The following CFAP44 variants were observed in gnomAD, a reference collection of about 807,000 sequenced individuals.
CFAP44 encodes the protein cilia- and flagella-associated protein 44.
Under a neutral mutation model 216.2 loss-of-function variants are expected in CFAP44, and 134 were observed. The observed-to-expected ratio is 0.62, with a 90% CI of 0.54 to 0.72. CFAP44 has a LOEUF of 0.72. CFAP44 is among the 30% of genes least tolerant of loss of function. The pLI is 0.00. For synonymous variants in CFAP44, 700 were observed against 727.6 expected, an observed-to-expected ratio of 0.96 and a Z score of 0.61; for missense variants, 2,035 against 2,182.1, an observed-to-expected ratio of 0.93 and a Z score of 1.34.
At chr3:113,303,204 T>A (rs776821235) in intron 32 of CFAP44, among the ~76,000 whole-genome samples, 18 of 152,148 alleles carry the variant, frequency 1.2e-4, no homozygotes, top group Non-Finnish European at 2.4e-4. Context: ...AATGTACATA[T>A]CCCTCTGTAA....
intron 28 of CFAP44, among the ~76,000 whole-genome samples, chr3:113,308,951 C>A (rs1012195005): frequency 1.3e-5 from 2 of 152,124 alleles, no homozygotes; most frequent in Admixed American, 1.3e-4. Context: ...AATGACATTT[C>A]TAGTCTTTAT....
At chr3:113,395,355 GA>G (rs1933960685) in intron 15 of CFAP44, among the ~76,000 whole-genome samples, 1 of 152,214 alleles carries the variant, frequency 6.6e-6, no homozygotes, top group South Asian at 2.1e-4. Context: ...AAGAGATAAA[GA>G]TGAGGAAAAG....
intron 5 of CFAP44, among the ~76,000 whole-genome samples, chr3:113,418,845 C>T (rs148290111): frequency 0.035 from 5,262 of 152,106 alleles, 303 homozygotes; most frequent in African/African-American, 0.12. Flanking sequence ...GCCGGGATTA[C>T]AGGCGCGTGC....
intron 18 of CFAP44, among the ~76,000 whole-genome samples, chr3:113,368,053 A>G (rs1576573850): frequency 1.3e-5 from 2 of 152,374 alleles, no homozygotes; most frequent in African/African-American, 4.8e-5. Flanking sequence ...AAGAGTAAAA[A>G]GAAATGAACA....
intron 15 of CFAP44, among the ~76,000 whole-genome samples, chr3:113,383,095 C>G (rs1933556875): frequency 6.6e-6 from 1 of 152,164 alleles, no homozygotes; most frequent in Non-Finnish European, 1.5e-5. Flanking sequence ...TGGGGAAATT[C>G]AGAGATGGAC....
Position 113,433,589 on chromosome 3 carries a change from T to C in CFAP44, c.76A>G (p.Arg26Gly), listed in dbSNP as rs1285752391. 1.9e-6 allele frequency: 3 copies of C among 1,612,772 alleles called. No individual in the cohort carries two copies. In the Admixed American group the frequency reaches 5.0e-5, roughly 27 times the overall value. ...TSKSDGKKSL[R>G]SSKSESRSPV... ...CATCTTGATTCTGATTTAGAAGACC[T>C]CAGAGACTTCTTCCCATCACTCTTT... The change falls in exon 2 of 35, where the codon AGG becomes GGG. Residue 26 changes from arginine (R) to glycine (G), a missense_variant. Transcript: ENST00000393845.
intron 23 of CFAP44, among the ~76,000 whole-genome samples, chr3:113,342,856 C>T (rs948453540): frequency 2.0e-5 from 3 of 150,240 alleles, no homozygotes; most frequent in South Asian, 2.1e-4. Flanking sequence ...AAAAATTAGC[C>T]GGGTGTAATC....
At chr3:113,379,604 A>C in intron 16 of CFAP44, 53 bp from the exon 17 acceptor site, 2 of 1,391,506 alleles carry the variant, frequency 1.4e-6, no homozygotes, top group South Asian at 2.9e-5. Context: ...TCATTCGTTC[A>C]TTTACACCAT....
At chr3:113,320,475 T>TC (rs1257336256) in intron 28 of CFAP44, among the ~76,000 whole-genome samples, 22 of 87,606 alleles carry the variant, frequency 2.5e-4, no homozygotes, top group South Asian at 1.2e-3. Context: ...TCATATATGA[T>TC]ATATATGATA....
At chr3:113,297,340 C>T (rs563931766) in intron 32 of CFAP44, among the ~76,000 whole-genome samples, 33 of 152,078 alleles carry the variant, frequency 2.2e-4, no homozygotes, top group African/African-American at 3.6e-4. Context: ...TTTCTCTCCC[C>T]GCTGCTTTCT....
intron 15 of CFAP44, among the ~76,000 whole-genome samples, chr3:113,390,352 C>T (rs968203686): frequency 2.0e-5 from 3 of 151,954 alleles, no homozygotes; most frequent in East Asian, 1.9e-4. Context: ...TACCTCAACA[C>T]AATAAAACCC....
At chr3:113,354,757 C>T (rs928206415) in intron 22 of CFAP44, among the ~76,000 whole-genome samples, 1 of 152,148 alleles carries the variant, frequency 6.6e-6, no homozygotes, top group African/African-American at 2.4e-5. Context: ...TACGGCCCTG[C>T]CCACTGCCTG....
Position 113,330,777 on chromosome 3 carries a change from T to C in CFAP44, c.3616-109A>G. The C allele has an allele frequency of 5.1e-6, 7 of 1,366,530 alleles. No homozygotes were observed. In the South Asian group the frequency reaches 6.6e-5, roughly 13 times the overall value. 84.7% of individuals were successfully genotyped at this position (1,366,530 alleles called of 1,614,324 possible). On this transcript the variant is annotated intron_variant, in intron 25 of 34. Transcript: ENST00000393845. Reference sequence around the variant, plus strand: ...TGAAAGGCCTAGAAAAAATTCAAGATAAAAATTCATCTGATCATACCTTTT... The same window carrying C: ...TGAAAGGCCTAGAAAAAATTCAAGACAAAAATTCATCTGATCATACCTTTT...
At chr3:113,294,911 G>T in intron 33 of CFAP44, 90 bp from the exon 34 acceptor site, 1 of 1,371,786 alleles carries the variant, frequency 7.3e-7, no homozygotes, top group Non-Finnish European at 9.5e-7. Context: ...AAATCATCAG[G>T]CAAATGGAGC....
intron 16 of CFAP44, 112 bp from the exon 17 acceptor site, chr3:113,379,663 T>A (rs144023559): frequency 2.6e-6 from 2 of 777,040 alleles, no homozygotes; most frequent in East Asian, 6.2e-5. Flanking sequence ...CTGTAACAAA[T>A]AATATTTAAA....
intron 1 of CFAP44, among the ~76,000 whole-genome samples, chr3:113,440,751 C>T (rs140861873): frequency 1.2e-3 from 189 of 152,264 alleles, no homozygotes; most frequent in African/African-American, 4.2e-3. Flanking sequence ...TCAGATTCCT[C>T]GGTCTGGTGT....
chr3:113,333,524 T>C lies in CFAP44; in HGVS notation c.3497A>G (p.Glu1166Gly). The part of the protein sequence containing the change: ...EDPKDLQAIK[E>G]AQVYMGDFNL... ...GAAATCTCCCATATACACCTGGGCT[T>C]CTTTGATGGCTTGAAGATCTTTGGG... Residue 1166 changes from glutamate to glycine, a missense_variant, in exon 25 of 35, where the codon GAA becomes GGA. Physicochemically the swap from Glu to Gly is moderately conservative, Grantham distance 98. Coordinates refer to ENST00000393845, the MANE Select transcript of CFAP44 (RefSeq NM_001164496.2). 1 of 1,537,130 alleles carries C rather than the reference T, an allele frequency of 6.5e-7. No homozygotes were observed. The highest frequency in any genetic ancestry group is 8.7e-7 in the Non-Finnish European group (1 of 1,146,872).
chr3:113,387,831 C>T (rs1212277727), intron 15 of CFAP44, among the ~76,000 whole-genome samples: 2 of 152,058 alleles, frequency 1.3e-5, no homozygotes, highest in African/African-American at 4.8e-5. Context: ...AAGGGAAAGA[C>T]TCAGGACTGC....
chr3:113,323,905 A>C (rs1010678267), intron 28 of CFAP44, among the ~76,000 whole-genome samples: 1 of 152,080 alleles, frequency 6.6e-6, no homozygotes, highest in African/African-American at 2.4e-5. Context: ...TTAGCTGGGC[A>C]TGGTGGCACG....
Sources: gnomAD v4.1 joint callset for allele counts (sites outside exome capture counted in the v4.1 genomes callset) on GRCh38, gnomAD v4.1.1 for gene constraint, MANE v1.5 for transcripts, NCBI Gene and HGNC (gene_info 2026-07-23, HGNC 2026-07-21) for gene names.